Variants in TNS2 observed in about 807,000 individuals in gnomAD.
TNS2 encodes the protein tensin 2.
Under a neutral mutation model 155.7 loss-of-function variants are expected in TNS2, and 77 were observed. The ratio of observed to expected loss-of-function variants is 0.49; its 90% CI spans 0.41 to 0.60. The LOEUF (loss-of-function observed/expected upper bound fraction) is 0.60. Among genes scored for constraint, TNS2 ranks in the 20% least tolerant of loss-of-function variants. The probability of loss-of-function intolerance (pLI) is 0.00; values close to 1 mark genes in which losing one functional copy is unlikely to be tolerated. For synonymous variants in TNS2, 726 were observed against 763.9 expected (o/e 0.95, Z 0.82); for missense variants, 1,703 against 1,868.8 (o/e 0.91, Z 1.64).
In TNS2 at chr12:53,052,440, C is replaced by T; in HGVS notation, c.185-15C>T. 6.2e-7 allele frequency: 1 copy of T among 1,614,034 alleles called. No homozygotes were observed. The highest frequency in any genetic ancestry group is 2.2e-5 in the East Asian group (1 of 44,874). On this transcript the variant is annotated splice_polypyrimidine_tract_variant and intron_variant, in intron 2 of 28. Coordinates refer to ENST00000314250, the MANE Select transcript of TNS2 (RefSeq NM_170754.4). ...AGGCCCCTGCTAACCCCTCTCCTCC[C>T]CTTACCTTCCCTAGTCTGCAAGGTG...
Position 53,057,753 on chromosome 12 carries a change from C to T in TNS2, c.959-20C>T, listed in dbSNP as rs755004811. 3.7e-6 allele frequency: 6 copies of T among 1,614,178 alleles called. No homozygotes were observed. Among genetic ancestry groups the T allele is most frequent in the Non-Finnish European group, 5.1e-6 (6 of 1,180,006 alleles). On this transcript the variant is annotated intron_variant, in intron 12 of 28. Coordinates refer to ENST00000314250, the MANE Select transcript of TNS2 (RefSeq NM_170754.4). ...TCTCCACTCAGCACCCCTCCTGTGC[C>T]TTCTCCTCTGCCCCTCCAGGCTTCC...
chr12:53,063,696 C>T lies in TNS2; in HGVS notation c.4092-48C>T. The T allele has an allele frequency of 1.2e-6, 2 of 1,614,004 alleles. No homozygotes were observed. The highest frequency in any genetic ancestry group is 1.3e-5 in the African/African-American group (1 of 75,054). Reference sequence around the variant, plus strand: ...TGTCTCACCAAGGCCAGCTACATTCCCTTGTGGAAGGAATGTTAAGCCCCT... The same window carrying T: ...TGTCTCACCAAGGCCAGCTACATTCTCTTGTGGAAGGAATGTTAAGCCCCT... On this transcript the variant is annotated intron_variant, in intron 28 of 28. Transcript: ENST00000314250. The surrounding 1 kb of genome is among the most constrained non-coding windows in gnomAD (Gnocchi z 5.6).
chr12:53,062,198 G>A lies in TNS2; in HGVS notation c.3620G>A (p.Gly1207Glu). ...GTCCGCCATTTCCTCATCGAGACTG[G>A]GCCCAAAGGGGTGAAGATCAAGGGC... ...QLVRHFLIET[G>E]PKGVKIKGCP... The change falls in exon 23 of 29, where the codon GGG becomes GAG. Residue 1207 changes from glycine (G) to glutamate (E), a missense_variant. Physicochemically the swap from Gly to Glu is moderately conservative, Grantham distance 98. Coordinates refer to ENST00000314250, the MANE Select transcript of TNS2 (RefSeq NM_170754.4). 1 of 1,614,118 alleles carries A rather than the reference G, an allele frequency of 6.2e-7. No individual in the cohort carries two copies. Among genetic ancestry groups the A allele is most frequent in the Middle Eastern group, 1.7e-4 (1 of 6,060 alleles).
intron 17 of TNS2, 56 bp downstream of exon 17, chr12:53,058,883 G>A (rs766363320): frequency 2.5e-6 from 4 of 1,591,230 alleles, no homozygotes; most frequent in South Asian, 1.1e-5. Context: ...ACCCTGGGGG[G>A]TGGTGCCAGG....
In TNS2 at chr12:53,059,724, G is replaced by T; in HGVS notation, c.2083G>T (p.Glu695Ter). ...CCTATACCCATGCCCAGCCTGCGAG[G>T]AGAAGCTGGCGCTGCCTACAGCAGC... Reference protein sequence around the residue: ...PALYPCPACEEKLALPTAALY... With the variant: ...PALYPCPACE The change falls in exon 18 of 29, where the codon GAG becomes TAG. Residue 695 changes from glutamate (E) to a stop codon, truncating the protein, a stop_gained. Coordinates refer to ENST00000314250, the MANE Select transcript of TNS2 (RefSeq NM_170754.4). LOFTEE classifies it high-confidence loss of function. The surrounding 1 kb of genome is among the most constrained non-coding windows in gnomAD (Gnocchi z 4.7). The T allele has an allele frequency of 1.9e-6, 3 of 1,613,104 alleles. No individual in the cohort carries two copies. The highest frequency in any genetic ancestry group is 2.5e-6 in the Non-Finnish European group (3 of 1,179,904).
rs554964650 is a variant in TNS2 at position 53,050,081 on chromosome 12, G to A, written c.-105G>A. ...ACACCAGCCAGACAGCCTACCCTCC[G>A]CCCAGGGGAAGCGGCTGCCTCCGCC... On this transcript the variant is annotated 5_prime_UTR_variant, in exon 1 of 29. Coordinates refer to ENST00000314250, the MANE Select transcript of TNS2 (RefSeq NM_170754.4). The surrounding 1 kb of genome is among the most constrained non-coding windows in gnomAD (Gnocchi z 4.7). The A allele has an allele frequency of 6.2e-5, 96 of 1,539,860 alleles. No individual in the cohort carries two copies. Among genetic ancestry groups the A allele is most frequent in the African/African-American group, 2.3e-4 (17 of 72,650 alleles).
Position 53,060,792 on chromosome 12 carries a change from G to A in TNS2, c.2886G>A (p.Ser962=), listed in dbSNP as rs754652848. Residue 962 remains serine, a synonymous_variant, in exon 20 of 29, where the codon TCG becomes TCA. Transcript: ENST00000314250. The surrounding 1 kb of genome is among the most constrained non-coding windows in gnomAD (Gnocchi z 6.1). The part of the protein sequence containing the change: ...AGTGKAPELP[S]GSGPEPLAPS... The stretch of plus-strand genomic sequence containing the variant: ...CCGGAAAGGCCCCTGAGCTGCCGTC[G>A]GGAAGTGGGCCTGAGCCTCTGGCCC... 7.1e-5 allele frequency: 114 copies of A among 1,611,978 alleles called. No individual in the cohort carries two copies. Among genetic ancestry groups the A allele is most frequent in the Non-Finnish European group, 8.3e-5 (98 of 1,179,092 alleles).
intron 11 of TNS2, 96 bp downstream of exon 11, chr12:53,057,192 T>C: frequency 7.4e-7 from 1 of 1,351,580 alleles, no homozygotes; most frequent in South Asian, 1.3e-5. Flanking sequence ...TTTCACTGAG[T>C]GTGCCAAGCG....
chr12:53,058,933 C>T (rs958549483), intron 17 of TNS2, 106 bp downstream of exon 17: 13 of 1,559,958 alleles, frequency 8.3e-6, no homozygotes, highest in East Asian at 4.5e-5. Flanking sequence ...AGCCCACTCC[C>T]GAGAGACACC....
chr12:53,057,055 C>T lies in TNS2; in HGVS notation c.804C>T (p.Cys268=), dbSNP rs369671535. 2.0e-5 allele frequency: 33 copies of T among 1,613,616 alleles called. No homozygotes were observed. Among genetic ancestry groups the T allele is most frequent in the Middle Eastern group, 1.6e-4 (1 of 6,084 alleles). The stretch of plus-strand genomic sequence containing the variant: ...CCACTCTTACCATGCGGAAATTCTG[C>T]GAGGACAAGGTGGCCACAGAACTGC... The part of the protein sequence containing the change: ...ALATLTMRKF[C]EDKVATELQP... Residue 268 remains cysteine (C), a synonymous_variant, in exon 11 of 29, where the codon TGC becomes TGT. Coordinates refer to ENST00000314250, the MANE Select transcript of TNS2 (RefSeq NM_170754.4).
Position 53,062,668 on chromosome 12 carries a change from C to G in TNS2, c.3794C>G (p.Thr1265Arg), listed in dbSNP as rs773907528. 4.3e-6 allele frequency: 7 copies of G among 1,613,924 alleles called. No homozygotes were observed. The highest frequency in any genetic ancestry group is 5.1e-6 in the Non-Finnish European group (6 of 1,179,978). Residue 1265 changes from threonine (T) to arginine (R), a missense_variant, in exon 25 of 29, where the codon ACA becomes AGA. Thr to Arg is a moderately conservative substitution (Grantham distance 71). Transcript: ENST00000314250. ...GCTCCAGTGCCCACCAACATGAGCA[C>G]AGCGGCAGACCTCCTGCGTCAGGGT... ...PEAPVPTNMS[T>R]AADLLRQGAA...
rs184619518 is a variant in TNS2 at position 53,059,843 on chromosome 12, G to A, written c.2202G>A (p.Pro734=). Residue 734 remains proline (P), a synonymous_variant, in exon 18 of 29, where the codon CCG becomes CCA. Transcript: ENST00000314250. This position sits in a 1 kb window ranked among gnomAD's most constrained non-coding sequence, Gnocchi z 4.7. ...PLLHPVRPGH[P]LPLLLPACGH... ...TGCACCCAGTGCGGCCTGGGCACCC[G>A]CTGCCTCTGCTCTTGCCTGCCTGTG... 1.9e-6 allele frequency: 3 copies of A among 1,612,918 alleles called. No individual in the cohort carries two copies. Among genetic ancestry groups the A allele is most frequent in the East Asian group, 2.2e-5 (1 of 44,882 alleles).
intron 4 of TNS2, 145 bp downstream of exon 4, chr12:53,053,594 T>C: frequency 1.5e-6 from 2 of 1,367,246 alleles, no homozygotes; most frequent in Non-Finnish European, 2.0e-6. Context: ...AAGAAAAAAC[T>C]GTCTGAGTCC....
Position 53,059,071 on chromosome 12 carries a change from C to T in TNS2, c.1430C>T (p.Pro477Leu), listed in dbSNP as rs373103909. 4.5e-5 allele frequency: 70 copies of T among 1,538,546 alleles called. No homozygotes were observed. The highest frequency in any genetic ancestry group is 8.7e-6 in the Non-Finnish European group (10 of 1,145,704). Residue 477 changes from proline to leucine, a missense_variant, in exon 18 of 29, where the codon CCC becomes CTC. Transcript: ENST00000314250. The surrounding 1 kb of genome is among the most constrained non-coding windows in gnomAD (Gnocchi z 4.7). ...GGCTCCTTGACCCACACCCGGGGTC[C>T]CCTGGATGGCAGTCCTTATGCCCAG... The part of the protein sequence containing the change: ...VDGSLTHTRG[P>L]LDGSPYAQVQ...
At chr12:53,054,530 C>G (rs183509058) in intron 7 of TNS2, 89 bp downstream of exon 7, 2 of 1,116,156 alleles carry the variant, frequency 1.8e-6, no homozygotes, top group South Asian at 1.9e-5. Flanking sequence ...CCAGCGGAGG[C>G]GAGGCCGCCA....
upstream of TNS2, among the ~76,000 whole-genome samples, chr12:53,048,070 G>A (rs1401333272): frequency 1.3e-5 from 2 of 152,218 alleles, no homozygotes; most frequent in African/African-American, 2.4e-5. Context: ...CAGGCGGGAG[G>A]AGGGTGAGGG....
chr12:53,060,905 G>A lies in TNS2; in HGVS notation c.2999G>A (p.Ser1000Asn). The A allele has an allele frequency of 6.3e-7, 1 of 1,588,992 alleles. No individual in the cohort carries two copies. The highest frequency in any genetic ancestry group is 1.1e-5 in the South Asian group (1 of 88,346). The change falls in exon 20 of 29, where the codon AGT (serine) becomes AAT (asparagine). Residue 1000 changes from serine to asparagine, a missense_variant. Ser to Asn is a conservative substitution (Grantham distance 46). Transcript: ENST00000314250. This position sits in a 1 kb window ranked among gnomAD's most constrained non-coding sequence, Gnocchi z 6.1. The part of the protein sequence containing the change: ...RSPGGHSDGA[S>N]PRSPVPTTLP... ...CCAGGGGGCCACTCAGATGGCGCCA[G>A]TCCTCGGAGCCCTGTGCCCACCACA... is the stretch of plus-strand genomic sequence containing the variant.
chr12:53,055,427 G>A, intron 8 of TNS2, 141 bp from the exon 9 acceptor site: 1 of 1,221,840 alleles, frequency 8.2e-7, no homozygotes, highest in Non-Finnish European at 1.1e-6. Context: ...GTATGGATAA[G>A]GAAAGTGCCG....
rs1334519897 is a variant in TNS2 at position 53,058,762 on chromosome 12, C to T, written c.1340C>T (p.Thr447Ile). 6.2e-7 allele frequency: 1 copy of T among 1,614,024 alleles called. No homozygotes were observed. The highest frequency in any genetic ancestry group is 1.1e-5 in the South Asian group (1 of 91,090). Residue 447 changes from threonine to isoleucine, a missense_variant, in exon 17 of 29, where the codon ACT becomes ATT. By Grantham distance (89) the Thr-to-Ile change is moderately conservative (BLOSUM62 -1). Coordinates refer to ENST00000314250, the MANE Select transcript of TNS2 (RefSeq NM_170754.4). ...TCGGTCTCTGTCGACTACAACACCA[C>T]TGAGCCAGCCGTGCGCTGGGACTCC... ...DPSVSVDYNT[T>I]EPAVRWDSYE...
Sources: allele counts gnomAD v4.1 joint callset (sites outside exome capture counted in the v4.1 genomes callset), GRCh38; gene constraint gnomAD v4.1.1; non-coding constraint Gnocchi (gnomAD v3.1); transcripts MANE v1.5; gene names NCBI Gene and HGNC (gene_info 2026-07-23, HGNC 2026-07-21).